The following OLFML2A variants were observed in gnomAD, a reference collection of about 807,000 sequenced individuals.
The protein encoded by OLFML2A is olfactomedin like 2A, also known as olfactomedin-like protein 2A.
Under a neutral mutation model 60.9 loss-of-function variants are expected in OLFML2A, and 47 were observed. That is an observed-to-expected ratio of 0.77 (90% CI 0.61 to 0.98). The LOEUF is 0.98. Ranked by LOEUF, OLFML2A falls within the 50% of genes least tolerant of loss-of-function variation. OLFML2A has a pLI of 0.00. For missense variants in OLFML2A, 922 were observed against 879.8 expected (o/e 1.05, Z -0.61); for synonymous variants, 372 against 375.0 (o/e 0.99, Z 0.09).
rs1841329822 is a variant in OLFML2A at position 124,779,890 on chromosome 9, G to T, written c.90+2530G>T. 6.6e-6 allele frequency among the ~76,000 whole-genome samples: 1 copy of T among 152,212 alleles called. No homozygotes were observed. The highest frequency in any genetic ancestry group is 1.5e-5 in the Non-Finnish European group (1 of 68,040). On this transcript the variant is annotated intron_variant, in intron 1 of 7. Transcript: ENST00000373580. This position sits in a 1 kb window ranked among gnomAD's most constrained non-coding sequence, Gnocchi z 4.1. ...CCTTCGGAGGGCCAGCCTGGGACTT[G>T]AAGTCAATGTAGGGCCCTAAAGGGT...
intron 2 of OLFML2A, among the ~76,000 whole-genome samples, chr9:124,794,436 C>G (rs535526701): frequency 3.5e-4 from 53 of 152,254 alleles, no homozygotes; most frequent in Non-Finnish European, 6.0e-4. Flanking sequence ...GAGGTTGTTA[C>G]AATGATTAAT....
intron 5 of OLFML2A, among the ~76,000 whole-genome samples, chr9:124,803,824 G>A (rs778109520): frequency 3.9e-5 from 6 of 152,226 alleles, no homozygotes; most frequent in Non-Finnish European, 7.3e-5. Flanking sequence ...CCAGCATGGT[G>A]GGCTCCTGAC....
chr9:124,791,003 G>A (rs539005906), intron 2 of OLFML2A, among the ~76,000 whole-genome samples: 4 of 152,338 alleles, frequency 2.6e-5, no homozygotes, highest in Admixed American at 6.5e-5. Flanking sequence ...CTTGACTGGG[G>A]GTTGGAGGGT....
chr9:124,788,160 G>A (rs1841511289), intron 2 of OLFML2A, among the ~76,000 whole-genome samples: 4 of 151,936 alleles, frequency 2.6e-5, no homozygotes, highest in Admixed American at 2.0e-4. Flanking sequence ...AAATTAGCCA[G>A]GCATGGTGGC....
chr9:124,798,237 C>T (rs933893970), intron 3 of OLFML2A, among the ~76,000 whole-genome samples: 2 of 152,216 alleles, frequency 1.3e-5, no homozygotes, highest in Non-Finnish European at 1.5e-5. Context: ...GGTGGTGGCT[C>T]ACGCCTGTAA....
chr9:124,811,112 G>A lies in OLFML2A; in HGVS notation c.*700G>A, dbSNP rs1028904059. On this transcript the variant is annotated 3_prime_UTR_variant, in exon 8 of 8. Transcript: ENST00000373580. ...AGCTGCTGAGCAGAAACCGCACCCCGAGAGAAAATCCCATCCTCTGTTCCA... is the reference window on the plus strand; with the variant it reads ...AGCTGCTGAGCAGAAACCGCACCCCAAGAGAAAATCCCATCCTCTGTTCCA... 5.5e-5 allele frequency: 8 copies of A among 145,994 alleles called. No homozygotes were observed. The highest frequency in any genetic ancestry group is 9.9e-5 in the African/African-American group (4 of 40,268). The allele number at this position is 145,994 out of a possible 1,614,324, so 9.0% of individuals were successfully genotyped here.
At chr9:124,798,153 G>A (rs894540216) in intron 3 of OLFML2A, among the ~76,000 whole-genome samples, 1 of 152,348 alleles carries the variant, frequency 6.6e-6, no homozygotes, top group African/African-American at 2.4e-5. Flanking sequence ...TATGTATTAT[G>A]TATACAATTT....
At chr9:124,797,381 C>T (rs552230847) in intron 3 of OLFML2A, among the ~76,000 whole-genome samples, 1 of 152,306 alleles carries the variant, frequency 6.6e-6, no homozygotes, top group South Asian at 2.1e-4. Flanking sequence ...TAATAGCCCA[C>T]TTTTCAGGCA....
In OLFML2A at chr9:124,807,736, GC is replaced by G. The variant is rs57034064; in HGVS notation, c.1169-44del. On this transcript the variant is annotated intron_variant, in intron 6 of 7. Coordinates refer to ENST00000373580, the MANE Select transcript of OLFML2A (RefSeq NM_182487.4). ...CCCAGCCCGTTGCTCTGGCTGGGGG[GC>G]TTGGGGGTCTGTGTACCGATGCTGC... The G allele has an allele frequency of 2.3e-3, 3,420 of 1,509,742 alleles. 72 individuals carry two copies. In the African/African-American group the frequency reaches 0.042, roughly 19 times the overall value. The allele number at this position is 1,509,742 out of a possible 1,614,324, so 93.5% of individuals were successfully genotyped here. A position where few individuals can be genotyped will look rare whatever the true frequency, so the allele number is the denominator to read the frequency against.
intron 1 of OLFML2A, among the ~76,000 whole-genome samples, chr9:124,784,347 A>T (rs1416417148): frequency 2.0e-5 from 3 of 151,850 alleles, no homozygotes; most frequent in Non-Finnish European, 4.4e-5. Flanking sequence ...GAGATTACAG[A>T]TGCCCACCAC....
chr9:124,810,828 C>CA lies in OLFML2A; in HGVS notation c.*416_*417insA. The stretch of plus-strand genomic sequence containing the variant: ...CCCCTCCCTGCCCTCCCCCATCTCC[C>CA]CGGTCTCCCTTGTTCTCTCAACCCA... On this transcript the variant is annotated 3_prime_UTR_variant, in exon 8 of 8. Coordinates refer to ENST00000373580, the MANE Select transcript of OLFML2A (RefSeq NM_182487.4). The CA allele has an allele frequency of 1.7e-5, 1 of 57,710 alleles. No homozygotes were observed. The allele number at this position is 57,710 out of a possible 1,614,324, so 3.6% of individuals were successfully genotyped here.
intron 3 of OLFML2A, among the ~76,000 whole-genome samples, chr9:124,798,562 A>T (rs1841709412): frequency 6.8e-6 from 1 of 147,300 alleles, no homozygotes; most frequent in East Asian, 2.1e-4. Context: ...GGCTGGGTGC[A>T]GTGGCTCACA....
At chr9:124,805,808 G>GTTTTTTTTTTTTTTTTTTT (rs59555267) in intron 6 of OLFML2A, among the ~76,000 whole-genome samples, 2 of 71,266 alleles carry the variant, frequency 2.8e-5, no homozygotes, top group African/African-American at 5.4e-5. Context: ...GGTTTTTTTG[G>GTTTTTTTTTTTTTTTTTTT]TTTTTTTTTT....
intron 2 of OLFML2A, 111 bp from the exon 3 acceptor site, chr9:124,794,913 C>T (rs905424057): frequency 1.3e-5 from 8 of 635,176 alleles, no homozygotes; most frequent in Admixed American, 7.5e-5. Context: ...TGAGCCACAG[C>T]GCCTGGCCCA....
At chr9:124,808,016 G>C (rs1841937601) in intron 7 of OLFML2A, 50 bp downstream of exon 7, 2 of 1,442,324 alleles carry the variant, frequency 1.4e-6, no homozygotes, top group African/African-American at 1.4e-5. Context: ...ACAACCTGGG[G>C]AGGGGTCCTC....
chr9:124,804,140 G>C lies in OLFML2A; in HGVS notation c.966G>C (p.Lys322Asn). The C allele has an allele frequency of 6.2e-7, 1 of 1,614,034 alleles. No individual in the cohort carries two copies. Among genetic ancestry groups the C allele is most frequent in the Non-Finnish European group, 8.5e-7 (1 of 1,179,914 alleles). Reference protein sequence around the residue: ...GTSWLEQLPPKVEGRSNSAEP... With the variant: ...GTSWLEQLPPNVEGRSNSAEP... Reference sequence around the variant, plus strand: ...CCTGGCTGGAGCAACTGCCGCCCAAGGTGGAGGGCAGGTCCAACTCCGCAG... The same window carrying C: ...CCTGGCTGGAGCAACTGCCGCCCAACGTGGAGGGCAGGTCCAACTCCGCAG... The change falls in exon 6 of 8, where the codon AAG (lysine) becomes AAC (asparagine). Residue 322 changes from lysine to asparagine, a missense_variant. By Grantham distance (94) the Lys-to-Asn change is moderately conservative. Transcript: ENST00000373580.
chr9:124,799,891 G>A (rs1841742129), intron 4 of OLFML2A, among the ~76,000 whole-genome samples: 1 of 152,218 alleles, frequency 6.6e-6, no homozygotes, highest in African/African-American at 2.4e-5. Context: ...CCTGCTCAGA[G>A]GGAGGTGGGC....
rs570882754 is a variant in OLFML2A, at chr9:124,785,554, C to T, written c.91-1421C>T. Among the ~76,000 whole-genome samples the T allele has an allele frequency of 3.7e-3, 555 of 151,932 alleles. 5 individuals are homozygous for T. The highest frequency in any genetic ancestry group is 0.013 in the African/African-American group (529 of 41,450). On this transcript the variant is annotated intron_variant, in intron 1 of 7. Coordinates refer to ENST00000373580, the MANE Select transcript of OLFML2A (RefSeq NM_182487.4). ...CTGGGACCACAGGCGCCCGCCATCA[C>T]GCCCGGCTAATTTTTTGTATTTTGT...
intron 2 of OLFML2A, among the ~76,000 whole-genome samples, chr9:124,791,339 G>T (rs370881590): frequency 6.6e-6 from 1 of 152,318 alleles, no homozygotes; most frequent in South Asian, 2.1e-4. Context: ...CTAGCACAGC[G>T]CTTCTCAAGC....
Sources: gnomAD v4.1 joint callset for allele counts (sites outside exome capture counted in the v4.1 genomes callset) on GRCh38, gnomAD v4.1.1 for gene constraint, Gnocchi (gnomAD v3.1) non-coding constraint, MANE v1.5 for transcripts, NCBI Gene and HGNC (gene_info 2026-07-23, HGNC 2026-07-21) for gene names.